The following VAV2 variants were observed in gnomAD, a reference collection of about 807,000 sequenced individuals.
VAV2 encodes the protein vav guanine nucleotide exchange factor 2, also known as guanine nucleotide exchange factor VAV2.
In VAV2, 67 loss-of-function variants were observed where a neutral mutation model predicts 132.5. That is an observed-to-expected ratio of 0.51 (90% CI 0.42 to 0.62). The LOEUF (loss-of-function observed/expected upper bound fraction) is 0.62, where lower values mean the gene tolerates loss of function less well. Among genes scored for constraint, VAV2 ranks in the 20% least tolerant of loss-of-function variants. VAV2 has a pLI of 0.00. For missense variants in VAV2, 938 were observed against 1,153.6 expected (o/e 0.81, Z 2.71); for synonymous variants, 492 against 443.5 (o/e 1.11, Z -1.37).
chr9:133,789,426 C>A, intron 13 of VAV2, 83 bp from the exon 14 acceptor site: 1 of 1,357,664 alleles, frequency 7.4e-7, no homozygotes, highest in Non-Finnish European at 1.0e-6. Flanking sequence ...GACTGTCGTG[C>A]ACCCAAGGGA....
At chr9:133,801,898 C>T (rs1011758323) in intron 9 of VAV2, among the ~76,000 whole-genome samples, 8 of 152,132 alleles carry the variant, frequency 5.3e-5, no homozygotes, top group African/African-American at 1.4e-4. Context: ...AAGCATGACC[C>T]GGGCACACCT....
At chr9:133,906,649 C>T (rs1005732466) in intron 2 of VAV2, among the ~76,000 whole-genome samples, 1 of 152,208 alleles carries the variant, frequency 6.6e-6, no homozygotes, top group Non-Finnish European at 1.5e-5. Flanking sequence ...CACCCTGGAC[C>T]TCTGCACACA....
chr9:133,832,835 T>A (rs1836315563), intron 4 of VAV2, among the ~76,000 whole-genome samples: 1 of 151,794 alleles, frequency 6.6e-6, no homozygotes, highest in East Asian at 1.9e-4. Flanking sequence ...ATGCTGGGAT[T>A]CCAGGAGTGA....
chr9:133,861,232 T>G, intron 3 of VAV2, 142 bp downstream of exon 3: 25 of 836,594 alleles, frequency 3.0e-5, no homozygotes, highest in East Asian at 6.7e-5. Flanking sequence ...CGCCAACGGG[T>G]TACGCGACAA....
intron 2 of VAV2, among the ~76,000 whole-genome samples, chr9:133,895,955 A>C (rs1435916422): frequency 9.0e-6 from 1 of 111,452 alleles, no homozygotes; most frequent in Non-Finnish European, 1.8e-5. Context: ...TTTTTAATTG[A>C]TCATTCTTGG....
chr9:133,776,901 T>C (rs537649715), intron 23 of VAV2, among the ~76,000 whole-genome samples: 1 of 152,344 alleles, frequency 6.6e-6, no homozygotes, highest in Admixed American at 6.5e-5. Context: ...CAAGGCTGCC[T>C]GCTGCCTTTC....
intron 20 of VAV2, among the ~76,000 whole-genome samples, chr9:133,780,327 G>A (rs1388243350): frequency 1.3e-5 from 2 of 152,164 alleles, no homozygotes; most frequent in Non-Finnish European, 2.9e-5. Context: ...TAGCTCGAGG[G>A]GCACACGAAG....
At chr9:133,922,081 G>A (rs984202517) in intron 2 of VAV2, among the ~76,000 whole-genome samples, 3 of 152,260 alleles carry the variant, frequency 2.0e-5, no homozygotes, top group Non-Finnish European at 4.4e-5. Flanking sequence ...CCAAGCCCAC[G>A]CTGTTAGGGG....
intron 3 of VAV2, among the ~76,000 whole-genome samples, chr9:133,837,238 T>C (rs1284236639): frequency 3.9e-5 from 6 of 152,222 alleles, no homozygotes; most frequent in African/African-American, 1.4e-4. Flanking sequence ...CGATTTAGTA[T>C]TTCTAGTATC....
chr9:133,811,428 A>T (rs1368989679), intron 5 of VAV2, among the ~76,000 whole-genome samples: 3 of 152,196 alleles, frequency 2.0e-5, no homozygotes, highest in African/African-American at 7.2e-5. Flanking sequence ...TGGCATCAAA[A>T]GCCTCCACGG....
At chr9:133,764,318 C>G (rs1322348604) in intron 29 of VAV2, among the ~76,000 whole-genome samples, 1 of 152,090 alleles carries the variant, frequency 6.6e-6, no homozygotes, top group Non-Finnish European at 1.5e-5. Context: ...TTAAGATGAT[C>G]TGCCCACCCT....
chr9:133,808,976 T>C (rs1835258412), intron 7 of VAV2, 64 bp downstream of exon 7: 4 of 1,446,768 alleles, frequency 2.8e-6, no homozygotes, highest in Non-Finnish European at 3.8e-6. Context: ...TCCCAGGAGA[T>C]AGGTGGCCCT....
Position 133,907,833 on chromosome 9 carries a change from G to A in VAV2, c.321+31270C>T, listed in dbSNP as rs906164128. ...AGTGGCACAGACGGCACAGTGGGGA[G>A]AGCCGGGGGCGCCCCTCCCACCCCA... On this transcript the variant is annotated intron_variant, in intron 2 of 29. Coordinates refer to ENST00000371850, the MANE Select transcript of VAV2 (RefSeq NM_001134398.2). Among the ~76,000 whole-genome samples, 11 of 152,264 alleles carry A rather than the reference G, an allele frequency of 7.2e-5. No individual in the cohort carries two copies. The East Asian group carries it at 1.7e-3, about 24-fold the overall frequency.
rs115446483 is a variant in VAV2, at chr9:133,879,721, C to T, written c.322-18289G>A. On this transcript the variant is annotated intron_variant, in intron 2 of 29. Transcript: ENST00000371850. This position sits in a 1 kb window ranked among gnomAD's most constrained non-coding sequence, Gnocchi z 4.4. ...TCTCCCTTCCAAAGCAGAACCTATC[C>T]GAGAATCCCTACCGCCTTGCGAGCT... is the stretch of plus-strand genomic sequence containing the variant. Among the ~76,000 whole-genome samples, 920 of 152,178 alleles carry T rather than the reference C, an allele frequency of 6.0e-3. 8 individuals carry two copies. Among genetic ancestry groups the T allele is most frequent in the African/African-American group, 0.02 (846 of 41,516 alleles).
At chr9:133,844,419 CA>C (rs1036259196) in intron 3 of VAV2, among the ~76,000 whole-genome samples, 1 of 152,168 alleles carries the variant, frequency 6.6e-6, no homozygotes, top group Non-Finnish European at 1.5e-5. Flanking sequence ...ACCCCCTGGA[CA>C]AACACTTAGG....
At chr9:133,829,817 T>G (rs1258182521) in intron 4 of VAV2, among the ~76,000 whole-genome samples, 1 of 152,078 alleles carries the variant, frequency 6.6e-6, no homozygotes, top group Non-Finnish European at 1.5e-5. Flanking sequence ...TATGATTAAT[T>G]TCGTTTGTCC....
At chr9:133,911,962 C>G (rs762229703) in intron 2 of VAV2, among the ~76,000 whole-genome samples, 1 of 152,184 alleles carries the variant, frequency 6.6e-6, no homozygotes, top group Non-Finnish European at 1.5e-5. Context: ...CAGGGGTACA[C>G]GTGCAGGATG....
At chr9:133,882,104 C>T (rs952156209) in intron 2 of VAV2, among the ~76,000 whole-genome samples, 1 of 152,254 alleles carries the variant, frequency 6.6e-6, no homozygotes, top group African/African-American at 2.4e-5. Flanking sequence ...AGCTGTGTGG[C>T]AGGCCCCAGG....
chr9:133,904,407 A>G (rs990696789), intron 2 of VAV2, among the ~76,000 whole-genome samples: 1 of 152,256 alleles, frequency 6.6e-6, no homozygotes, highest in African/African-American at 2.4e-5. Flanking sequence ...TTCTGAGTTC[A>G]TGTCCTCCAG....
Sources: gnomAD v4.1 joint callset for allele counts (sites outside exome capture counted in the v4.1 genomes callset) on GRCh38, gnomAD v4.1.1 for gene constraint, Gnocchi (gnomAD v3.1) non-coding constraint, MANE v1.5 for transcripts, NCBI Gene and HGNC (gene_info 2026-07-23, HGNC 2026-07-21) for gene names.